The following ZFYVE28 variants were observed in gnomAD, a reference collection of about 807,000 sequenced individuals.
ZFYVE28 encodes the protein lateral signaling target protein 2 homolog.
Under a neutral mutation model 82.1 loss-of-function variants are expected in ZFYVE28, and 40 were observed. The observed-to-expected ratio is 0.49, with a 90% CI of 0.38 to 0.63. ZFYVE28 has a LOEUF of 0.63. Among genes scored for constraint, ZFYVE28 ranks in the 30% least tolerant of loss-of-function variants. ZFYVE28 has a pLI of 0.00. For missense variants in ZFYVE28, 1,321 were observed against 1,242.1 expected (o/e 1.06, Z -0.96); for synonymous variants, 612 against 546.1 (o/e 1.12, Z -1.68).
intron 7 of ZFYVE28, among the ~76,000 whole-genome samples, chr4:2,319,744 A>G (rs1718768848): frequency 6.6e-6 from 1 of 150,660 alleles, no homozygotes; most frequent in African/African-American, 2.4e-5. Flanking sequence ...CAGTAACTAA[A>G]GACAAAGGGC....
chr4:2,324,836 T>C (rs1719635800), intron 6 of ZFYVE28: 1 of 158,380 alleles, frequency 6.3e-6, no homozygotes, highest in East Asian at 1.6e-4. Context: ...CAGAACCCCA[T>C]GGCTTACTCA....
chr4:2,272,210 G>C (rs1735978560), intron 10 of ZFYVE28, among the ~76,000 whole-genome samples: 1 of 152,160 alleles, frequency 6.6e-6, no homozygotes, highest in Admixed American at 6.5e-5. Flanking sequence ...GGCAGAGCTG[G>C]GTCGGCACAT....
At chr4:2,346,422 T>C (rs1308389221) in intron 2 of ZFYVE28, among the ~76,000 whole-genome samples, 1 of 151,446 alleles carries the variant, frequency 6.6e-6, no homozygotes, top group Non-Finnish European at 1.5e-5. Context: ...TAGAGATCTA[T>C]ACAAGGGAAA....
intron 1 of ZFYVE28, among the ~76,000 whole-genome samples, chr4:2,379,744 A>G (rs888106199): frequency 6.6e-6 from 1 of 152,172 alleles, no homozygotes; most frequent in African/African-American, 2.4e-5. Context: ...ATATATCAAT[A>G]TTACATATTT....
At chr4:2,348,976 A>G (rs2108875163) in intron 2 of ZFYVE28, among the ~76,000 whole-genome samples, 1 of 152,292 alleles carries the variant, frequency 6.6e-6, no homozygotes. Context: ...ATGCTATGGC[A>G]TCAGGCAAAC....
At chr4:2,322,010 G>A (rs1186598007) in intron 6 of ZFYVE28, among the ~76,000 whole-genome samples, 2 of 152,150 alleles carry the variant, frequency 1.3e-5, no homozygotes, top group African/African-American at 2.4e-5. Flanking sequence ...GGGAGCCTGC[G>A]GGGACCCAAG....
intron 1 of ZFYVE28, among the ~76,000 whole-genome samples, chr4:2,406,918 C>T (rs1163799081): frequency 6.6e-6 from 1 of 152,138 alleles, no homozygotes; most frequent in East Asian, 1.9e-4. Flanking sequence ...ATCCTAGTGC[C>T]TACCCTGTGG....
At chr4:2,407,928 C>G (rs1264312499) in intron 1 of ZFYVE28, among the ~76,000 whole-genome samples, 5 of 152,196 alleles carry the variant, frequency 3.3e-5, no homozygotes, top group Non-Finnish European at 7.4e-5. Flanking sequence ...TTGGTTTGAC[C>G]TTACGCATGC....
chr4:2,321,091 G>C (rs1380284394), intron 6 of ZFYVE28, among the ~76,000 whole-genome samples: 1 of 152,004 alleles, frequency 6.6e-6, no homozygotes, highest in African/African-American at 2.4e-5. Flanking sequence ...CCTCCTCCTG[G>C]GTCTCTTGGG....
chr4:2,303,959 G>C (rs1277093950), intron 8 of ZFYVE28, among the ~76,000 whole-genome samples: 1 of 152,260 alleles, frequency 6.6e-6, no homozygotes, highest in Non-Finnish European at 1.5e-5. Flanking sequence ...TCACACCAGG[G>C]GCGGGATGGG....
chr4:2,282,139 C>T (rs1712046021), intron 8 of ZFYVE28, among the ~76,000 whole-genome samples: 1 of 152,202 alleles, frequency 6.6e-6, no homozygotes, highest in Non-Finnish European at 1.5e-5. Context: ...CATGTTCACC[C>T]GGATGTCTAA....
chr4:2,316,552 C>T (rs949541737), intron 7 of ZFYVE28: 3 of 152,116 alleles, frequency 2.0e-5, no homozygotes, highest in African/African-American at 7.2e-5. Context: ...ATTCTCTATC[C>T]TCTTATCTAA....
At chr4:2,355,099 G>A (rs567972747) in intron 1 of ZFYVE28, among the ~76,000 whole-genome samples, 8 of 150,352 alleles carry the variant, frequency 5.3e-5, no homozygotes, top group East Asian at 2.0e-4. Context: ...CCCTTGGCAC[G>A]TGAGGTTCCC....
At chr4:2,303,284 G>T (rs1448130436) in intron 8 of ZFYVE28, among the ~76,000 whole-genome samples, 2 of 152,150 alleles carry the variant, frequency 1.3e-5, no homozygotes, top group African/African-American at 4.8e-5. Context: ...GGAGGCGTCT[G>T]CCCGCCACCA....
chr4:2,294,287 G>A (rs138748031), intron 8 of ZFYVE28, among the ~76,000 whole-genome samples: 36 of 152,294 alleles, frequency 2.4e-4, no homozygotes, highest in Non-Finnish European at 4.4e-4. Context: ...GAGTTCAGAT[G>A]TAAACCCACC....
rs541613305 is a variant in ZFYVE28 at position 2,385,334 on chromosome 4, C to T, written c.40-31261G>A. On this transcript the variant is annotated intron_variant, in intron 1 of 12. Coordinates refer to ENST00000290974, the MANE Select transcript of ZFYVE28 (RefSeq NM_020972.3). ...GAGACCCACCTGAAGCAGGCCCCAG[C>T]GCTGAGAGAGCACCTGCTGCCCTTA... Among the ~76,000 whole-genome samples, 142 of 151,866 alleles carry T rather than the reference C, an allele frequency of 9.4e-4. 1 individual carries two copies. The highest frequency in any genetic ancestry group is 1.5e-3 in the South Asian group (7 of 4,794).
chr4:2,288,294 G>T (rs1000614093), intron 8 of ZFYVE28, among the ~76,000 whole-genome samples: 1 of 152,214 alleles, frequency 6.6e-6, no homozygotes, highest in Non-Finnish European at 1.5e-5. Flanking sequence ...CCCCAGAGCT[G>T]GCTCCCAGGA....
In ZFYVE28 at chr4:2,417,358, C is replaced by A. The variant is rs1214740886; in HGVS notation, c.39+927G>T. ...TCATCCCGCGCCGAGCGCGCCCGGC[C>A]CTGCTCCGGCTGCAGCGGGCACGAG... On this transcript the variant is annotated intron_variant, in intron 1 of 12. Transcript: ENST00000290974. The surrounding 1 kb of genome is among the most constrained non-coding windows in gnomAD (Gnocchi z 4.8). Among the ~76,000 whole-genome samples, 5 of 151,702 alleles carry A rather than the reference C, an allele frequency of 3.3e-5. No individual in the cohort carries two copies. Among genetic ancestry groups the A allele is most frequent in the Admixed American group, 2.0e-4 (3 of 15,226 alleles).
In ZFYVE28 at chr4:2,365,200, C is replaced by A. The variant is rs187378281; in HGVS notation, c.40-11127G>T. Among the ~76,000 whole-genome samples, 972 of 151,904 alleles carry A rather than the reference C, an allele frequency of 6.4e-3. 4 individuals are homozygous for A. Among genetic ancestry groups the A allele is most frequent in the South Asian group, 0.012 (60 of 4,808 alleles). On this transcript the variant is annotated intron_variant, in intron 1 of 12. Transcript: ENST00000290974. Reference sequence around the variant, plus strand: ...CGCGGGCGGCAGGGGTCAGGGTCTCCACATCTCCCCGGGTGGGCCACGCGG... The same window carrying A: ...CGCGGGCGGCAGGGGTCAGGGTCTCAACATCTCCCCGGGTGGGCCACGCGG...
Sources: allele counts gnomAD v4.1 joint callset (sites outside exome capture counted in the v4.1 genomes callset), GRCh38; gene constraint gnomAD v4.1.1; non-coding constraint Gnocchi (gnomAD v3.1); transcripts MANE v1.5; gene names NCBI Gene and HGNC (gene_info 2026-07-23, HGNC 2026-07-21).